THSD4: variants seen among roughly 807,000 people sequenced by gnomAD.
THSD4 encodes thrombospondin type 1 domain containing 4, also known as thrombospondin type-1 domain-containing protein 4.
A neutral mutation model predicts 119.0 loss-of-function variants in THSD4; 69 were observed. The observed-to-expected ratio is 0.58, with a 90% CI of 0.48 to 0.71. THSD4 has a LOEUF of 0.71. Among genes scored for constraint, THSD4 ranks in the 30% least tolerant of loss-of-function variants. THSD4 has a pLI of 0.00. For missense variants in THSD4, 1,393 were observed against 1,391.1 expected (o/e 1.00, Z -0.02); for synonymous variants, 524 against 540.4 (o/e 0.97, Z 0.42).
At chr15:71,227,217 T>C (rs938516214) in intron 4 of THSD4, among the ~76,000 whole-genome samples, 1 of 152,216 alleles carries the variant, frequency 6.6e-6, no homozygotes, top group East Asian at 1.9e-4. Context: ...TTTCATTAAG[T>C]GTCAGAAGTA....
At position 71,683,524 on chromosome 15, in the gene THSD4, CAG is replaced by C. The variant is rs546427256; in HGVS notation, c.1357+22791_1357+22792del. On this transcript the variant is annotated intron_variant, in intron 8 of 17. Coordinates refer to ENST00000261862, the MANE Select transcript of THSD4 (RefSeq NM_024817.3). ...ATGAGACATGCTATAAAAAATAAAA[CAG>C]GGGAAGAGGAGAATGAGTGCTGGCT... is the stretch of plus-strand genomic sequence containing the variant. 3.1e-3 allele frequency among the ~76,000 whole-genome samples: 465 copies of C among 152,156 alleles called. 3 individuals carry two copies. Among genetic ancestry groups the C allele is most frequent in the African/African-American group, 0.011 (444 of 41,528 alleles).
chr15:71,202,416 A>G (rs1437250404), intron 3 of THSD4, among the ~76,000 whole-genome samples: 1 of 152,058 alleles, frequency 6.6e-6, no homozygotes, highest in Non-Finnish European at 1.5e-5. Context: ...CTTCTCAAAC[A>G]TCTCCACCAA....
At chr15:71,580,532 C>T (rs1249278209) in intron 7 of THSD4, among the ~76,000 whole-genome samples, 1 of 152,064 alleles carries the variant, frequency 6.6e-6, no homozygotes, top group African/African-American at 2.4e-5. Context: ...GCATACAATA[C>T]AGTATCATTA....
At chr15:71,315,650 G>A (rs1411428178) in intron 6 of THSD4, among the ~76,000 whole-genome samples, 1 of 152,180 alleles carries the variant, frequency 6.6e-6, no homozygotes, top group Non-Finnish European at 1.5e-5. Flanking sequence ...TGTTACTGAG[G>A]TGGCGGCGGG....
intron 7 of THSD4, among the ~76,000 whole-genome samples, chr15:71,486,820 T>C (rs2047830458): frequency 1.3e-5 from 2 of 152,122 alleles, no homozygotes; most frequent in South Asian, 4.1e-4. Context: ...CAGGGTCCTT[T>C]TCCTGGAGCT....
At chr15:71,678,516 C>T (rs1184353085) in intron 8 of THSD4, among the ~76,000 whole-genome samples, 3 of 152,172 alleles carry the variant, frequency 2.0e-5, no homozygotes, top group Non-Finnish European at 2.9e-5. Flanking sequence ...AGAAGTTGAG[C>T]ACCCTTTCCC....
At chr15:71,668,067 A>G (rs2051451054) in intron 8 of THSD4, among the ~76,000 whole-genome samples, 1 of 152,084 alleles carries the variant, frequency 6.6e-6, no homozygotes, top group Non-Finnish European at 1.5e-5. Context: ...AGTATTCTGT[A>G]CAGTGGATGT....
chr15:71,691,875 G>A (rs2052058139), intron 8 of THSD4, among the ~76,000 whole-genome samples: 1 of 152,216 alleles, frequency 6.6e-6, no homozygotes, highest in South Asian at 2.1e-4. Flanking sequence ...GATTGGCATA[G>A]CGTATCCCCA....
At chr15:71,430,775 A>AAG (rs1555413007) in intron 7 of THSD4, among the ~76,000 whole-genome samples, 1 of 147,964 alleles carries the variant, frequency 6.8e-6, no homozygotes. Flanking sequence ...AAAAAAAAAA[A>AAG]AAAAAAAAGA....
At chr15:71,710,651 A>G (rs2052492687) in intron 8 of THSD4, among the ~76,000 whole-genome samples, 1 of 152,206 alleles carries the variant, frequency 6.6e-6, no homozygotes, top group African/African-American at 2.4e-5. Flanking sequence ...TATTTGTGAA[A>G]GTTCCCAAGC....
At position 71,384,191 on chromosome 15, in the gene THSD4, A is replaced by C. The variant is rs578142467; in HGVS notation, c.1016-27496A>C. On this transcript the variant is annotated intron_variant, in intron 6 of 17. Coordinates refer to ENST00000261862, the MANE Select transcript of THSD4 (RefSeq NM_024817.3). ...TCAGGAGATCGAGACCATCCTGACT[A>C]ACAAGGTGAAACCCCGTCTCTACTA... 7.9e-4 allele frequency among the ~76,000 whole-genome samples: 121 copies of C among 152,306 alleles called. 4 individuals carry two copies. The South Asian group carries it at 0.016, about 20-fold the overall frequency.
At chr15:71,558,327 C>T (rs1012034882) in intron 7 of THSD4, among the ~76,000 whole-genome samples, 4 of 151,994 alleles carry the variant, frequency 2.6e-5, no homozygotes, top group East Asian at 1.9e-4. Context: ...GACTCTGTTT[C>T]AGAAAAAAAT....
At chr15:71,171,085 G>A (rs1202272007) in intron 3 of THSD4, among the ~76,000 whole-genome samples, 1 of 152,082 alleles carries the variant, frequency 6.6e-6, no homozygotes, top group African/African-American at 2.4e-5. Flanking sequence ...TGGGCAATTA[G>A]AGTACCAAAA....
intron 7 of THSD4, among the ~76,000 whole-genome samples, chr15:71,650,720 C>A: frequency 6.6e-6 from 1 of 152,190 alleles, no homozygotes; most frequent in South Asian, 2.1e-4. Flanking sequence ...AGGACACTTC[C>A]TGTTTACAGG....
In THSD4 at chr15:71,256,598, T is replaced by C. The variant is rs4777350; in HGVS notation, c.913-15T>C. The stretch of plus-strand genomic sequence containing the variant: ...GTATGGACACTAATTGCATATTTAA[T>C]ATCTGCTTTATTAGGTATGTCCAGA... On this transcript the variant is annotated splice_polypyrimidine_tract_variant and intron_variant, in intron 5 of 17. Transcript: ENST00000261862. The C allele has an allele frequency of 0.4, 639,437 of 1,609,470 alleles. 130,210 individuals are homozygous for C. Among genetic ancestry groups the C allele is most frequent in the South Asian group, 0.44 (40,033 of 90,732 alleles).
At chr15:71,639,668 A>T (rs1311397028) in intron 7 of THSD4, among the ~76,000 whole-genome samples, 4 of 152,316 alleles carry the variant, frequency 2.6e-5, no homozygotes, top group African/African-American at 7.2e-5. Flanking sequence ...ATTATGATTT[A>T]AATATGTTAA....
At chr15:71,671,469 G>T (rs1423684154) in intron 8 of THSD4, among the ~76,000 whole-genome samples, 1 of 152,168 alleles carries the variant, frequency 6.6e-6, no homozygotes, top group Non-Finnish European at 1.5e-5. Context: ...GTTTTGCTGT[G>T]CAGAAGCTCT....
At chr15:71,210,319 A>G (rs2043878925) in intron 3 of THSD4, among the ~76,000 whole-genome samples, 1 of 152,212 alleles carries the variant, frequency 6.6e-6, no homozygotes. Context: ...TAATATATAT[A>G]AAGTAATTAG....
chr15:71,214,904 T>G, intron 3 of THSD4, 131 bp from the exon 4 acceptor site: 5 of 1,181,090 alleles, frequency 4.2e-6, no homozygotes, highest in Non-Finnish European at 5.3e-6. Context: ...CCAGGCTGGA[T>G]TGTATTAATA....
Sources: allele counts gnomAD v4.1 joint callset (sites outside exome capture counted in the v4.1 genomes callset), GRCh38; gene constraint gnomAD v4.1.1; transcripts MANE v1.5; gene names NCBI Gene and HGNC (gene_info 2026-07-23, HGNC 2026-07-21).